The following SYN3 variants were observed in gnomAD, a reference collection of about 807,000 sequenced individuals.
SYN3 encodes synapsin-3.
A neutral mutation model predicts 65.8 loss-of-function variants in SYN3; 35 were observed. The ratio of observed to expected loss-of-function variants is 0.53; its 90% CI spans 0.41 to 0.70. The LOEUF (loss-of-function observed/expected upper bound fraction) is 0.70. Among genes scored for constraint, SYN3 ranks in the 30% least tolerant of loss-of-function variants. The probability of loss-of-function intolerance (pLI) is 0.00; values close to 1 mark genes in which losing one functional copy is unlikely to be tolerated. For missense variants in SYN3, 680 were observed against 749.0 expected, an observed-to-expected ratio of 0.91 and a Z score of 1.08; for synonymous variants, 270 against 292.9, an observed-to-expected ratio of 0.92 and a Z score of 0.80.
intron 4 of SYN3, among the ~76,000 whole-genome samples, chr22:32,910,693 T>G (rs755306744): frequency 6.7e-6 from 1 of 148,658 alleles, no homozygotes; most frequent in Non-Finnish European, 1.5e-5. Context: ...ATCACAATTA[T>G]GTTTGCACCA....
At chr22:32,833,281 C>T (rs2047631802) in intron 6 of SYN3, among the ~76,000 whole-genome samples, 1 of 152,112 alleles carries the variant, frequency 6.6e-6, no homozygotes. Context: ...CAGGGAGAGA[C>T]CATCCTAATC....
At chr22:32,539,957 C>T (rs1028239921) in intron 8 of SYN3, among the ~76,000 whole-genome samples, 1 of 152,156 alleles carries the variant, frequency 6.6e-6, no homozygotes, top group Non-Finnish European at 1.5e-5. Flanking sequence ...ACCCCGAGGC[C>T]ATCTGAGAGC....
At chr22:32,618,919 T>G (rs1569096696) in intron 6 of SYN3, among the ~76,000 whole-genome samples, 1 of 152,150 alleles carries the variant, frequency 6.6e-6, no homozygotes, top group Admixed American at 6.5e-5. Context: ...TGCCAACACT[T>G]TCTTTGTGAA....
rs570685833 is a variant in SYN3, at chr22:33,015,407, T to C, written c.-162-8583A>G. ...AAGAGCTAGAAGCCTTATATTTCTT[T>C]AGGAAATACAAAGCTATGAAACAAC... On this transcript the variant is annotated intron_variant, in intron 1 of 13. Transcript: ENST00000358763. 16 of 361,804 alleles carry C rather than the reference T, an allele frequency of 4.4e-5. No individual in the cohort carries two copies. The East Asian group carries it at 4.9e-4, about 11-fold the overall frequency. The allele number at this position is 361,804 out of a possible 1,614,324, so 22.4% of individuals were successfully genotyped here. A position where few individuals can be genotyped will look rare whatever the true frequency, so the allele number is the denominator to read the frequency against.
chr22:32,585,073 T>A (rs1569064123), intron 7 of SYN3, among the ~76,000 whole-genome samples: 1 of 152,216 alleles, frequency 6.6e-6, no homozygotes, highest in Non-Finnish European at 1.5e-5. Flanking sequence ...TTGGGCAGAA[T>A]GACTCTTGGC....
rs553999382 is a variant in SYN3, at chr22:32,693,781, G to A, written c.712-97045C>T. On this transcript the variant is annotated intron_variant, in intron 6 of 13. Coordinates refer to ENST00000358763, the MANE Select transcript of SYN3 (RefSeq NM_003490.4). ...TAATTTTTGTATTTTTAGTAGAGAC[G>A]GCATCTCACCGTGATGGCCAGGCTG... Among the ~76,000 whole-genome samples the A allele has an allele frequency of 6.9e-3, 1,049 of 151,478 alleles. 14 individuals are homozygous for A. The highest frequency in any genetic ancestry group is 0.024 in the African/African-American group (974 of 41,308).
chr22:32,802,103 C>T lies in SYN3; in HGVS notation c.711+62812G>A, dbSNP rs1178016602. On this transcript the variant is annotated intron_variant, in intron 6 of 13. Transcript: ENST00000358763. ...GCTCGCCCAGCCACCCCCAGGACGC[C>T]TTCTGCAACTCCGACATCGGTAAGC... 1.3e-6 allele frequency: 2 copies of T among 1,582,598 alleles called. No individual in the cohort carries two copies. Among genetic ancestry groups the T allele is most frequent in the Admixed American group, 3.5e-5 (2 of 56,912 alleles).
intron 4 of SYN3, among the ~76,000 whole-genome samples, chr22:32,929,479 C>T (rs2050569490): frequency 1.3e-5 from 2 of 152,076 alleles, no homozygotes; most frequent in African/African-American, 4.8e-5. Flanking sequence ...TTATCTTTGA[C>T]TACGTACTAG....
At chr22:32,661,661 A>G (rs1444444653) in intron 6 of SYN3, among the ~76,000 whole-genome samples, 1 of 152,122 alleles carries the variant, frequency 6.6e-6, no homozygotes, top group Non-Finnish European at 1.5e-5. Context: ...AACAGGATAC[A>G]AGGGGACCTG....
chr22:32,923,063 C>T (rs2050375722), intron 4 of SYN3, among the ~76,000 whole-genome samples: 1 of 152,168 alleles, frequency 6.6e-6, no homozygotes, highest in African/African-American at 2.4e-5. Context: ...TGGCTGTGAG[C>T]TGGAGAACCA....
intron 6 of SYN3, among the ~76,000 whole-genome samples, chr22:32,598,985 C>T (rs1176714137): frequency 6.6e-6 from 1 of 152,042 alleles, no homozygotes; most frequent in Admixed American, 6.6e-5. Context: ...ATATATATAT[C>T]AATTACCTTA....
intron 10 of SYN3, 190 bp from the exon 11 acceptor site, chr22:32,529,198 C>A: frequency 1.6e-6 from 1 of 634,774 alleles, no homozygotes; most frequent in Non-Finnish European, 2.7e-6. Flanking sequence ...CAGTCTAAAC[C>A]ACTCCCTGGA....
At chr22:32,979,854 A>G (rs376292245) in intron 3 of SYN3, among the ~76,000 whole-genome samples, 1 of 152,156 alleles carries the variant, frequency 6.6e-6, no homozygotes, top group South Asian at 2.1e-4. Context: ...CAAGGTCACA[A>G]GGTTAGTAAG....
intron 1 of SYN3, among the ~76,000 whole-genome samples, chr22:33,042,488 C>T (rs1328554810): frequency 6.6e-6 from 1 of 152,192 alleles, no homozygotes; most frequent in Non-Finnish European, 1.5e-5. Context: ...AAGAATCTTG[C>T]TGGAAGAAAG....
chr22:32,882,064 A>T (rs951243443), intron 4 of SYN3, among the ~76,000 whole-genome samples: 1 of 152,034 alleles, frequency 6.6e-6, no homozygotes, highest in Non-Finnish European at 1.5e-5. Context: ...AAAAAAAAAA[A>T]AAAAGGAACC....
At chr22:32,780,374 CAG>C (rs1430183456) in intron 6 of SYN3, among the ~76,000 whole-genome samples, 1 of 152,114 alleles carries the variant, frequency 6.6e-6, no homozygotes, top group Non-Finnish European at 1.5e-5. Context: ...GAGATGGAGA[CAG>C]AGCAGCACCT....
chr22:32,664,107 C>T (rs1428841134), intron 6 of SYN3, among the ~76,000 whole-genome samples: 1 of 152,218 alleles, frequency 6.6e-6, no homozygotes, highest in African/African-American at 2.4e-5. Context: ...GTAAGAGCTA[C>T]AGGGAGTCTT....
intron 7 of SYN3, among the ~76,000 whole-genome samples, chr22:32,590,434 G>T (rs1449976380): frequency 2.0e-5 from 3 of 152,004 alleles, no homozygotes; most frequent in African/African-American, 7.3e-5. Flanking sequence ...TACTACAATT[G>T]ATTTATCTAT....
chr22:32,773,765 G>C (rs540011971), intron 6 of SYN3, among the ~76,000 whole-genome samples: 1 of 152,294 alleles, frequency 6.6e-6, no homozygotes, highest in South Asian at 2.1e-4. Context: ...CAGACACACT[G>C]ATGCAGTGAA....
Sources: allele counts gnomAD v4.1 joint callset (sites outside exome capture counted in the v4.1 genomes callset), GRCh38; gene constraint gnomAD v4.1.1; transcripts MANE v1.5; gene names NCBI Gene and HGNC (gene_info 2026-07-23, HGNC 2026-07-21).